Variants in DAPK2 observed in about 807,000 individuals in gnomAD.
DAPK2 encodes death-associated protein kinase 2.
A neutral mutation model predicts 44.1 loss-of-function variants in DAPK2; 35 were observed. The ratio of observed to expected loss-of-function variants is 0.79; its 90% confidence interval spans 0.61 to 1.05. DAPK2 has a LOEUF of 1.05. DAPK2 is among the 50% of genes least tolerant of loss of function. The pLI is 0.00. For synonymous variants in DAPK2, 174 were observed against 182.6 expected (o/e 0.95, Z 0.38); for missense variants, 453 against 483.2 (o/e 0.94, Z 0.59).
rs924058383 is a variant in DAPK2 at position 63,990,033 on chromosome 15, C to T, written c.93-6279G>A. Among the ~76,000 whole-genome samples, 2 of 152,116 alleles carry T rather than the reference C, an allele frequency of 1.3e-5. No homozygotes were observed. Among genetic ancestry groups the T allele is most frequent in the Admixed American group, 6.5e-5 (1 of 15,274 alleles). ...TTCTCAAAAGGCAATATACCCCTTACGGCCTGCATCAAGGTAGACCACTCG... is the reference window on the plus strand; with the variant it reads ...TTCTCAAAAGGCAATATACCCCTTATGGCCTGCATCAAGGTAGACCACTCG... On this transcript the variant is annotated intron_variant, in intron 1 of 10. Coordinates refer to ENST00000261891, the Ensembl canonical transcript of DAPK2. This position sits in a 1 kb window ranked among gnomAD's most constrained non-coding sequence, Gnocchi z 4.3.
At chr15:64,005,286 G>A (rs900589816) in intron 1 of DAPK2, among the ~76,000 whole-genome samples, 1 of 151,898 alleles carries the variant, frequency 6.6e-6, no homozygotes, top group Non-Finnish European at 1.5e-5. Context: ...TTTTCCCAAA[G>A]AGCAGTAATT....
In DAPK2 at chr15:64,019,947, A is replaced by G. The variant is rs571825256; in HGVS notation, c.92+20223T>C. Among the ~76,000 whole-genome samples the G allele has an allele frequency of 1.8e-4, 27 of 152,286 alleles. No individual in the cohort carries two copies. The South Asian group carries it at 2.1e-3, about 12-fold the overall frequency. ...TCTGCTTTCCATTTTCATGCCACAG[A>G]GTCAATATTTACTAGCCATGTTGCT... is the stretch of plus-strand genomic sequence containing the variant. On this transcript the variant is annotated intron_variant, in intron 1 of 10. Transcript: ENST00000261891.
At chr15:64,037,414 C>A (rs1788503182) in intron 1 of DAPK2, among the ~76,000 whole-genome samples, 1 of 152,230 alleles carries the variant, frequency 6.6e-6, no homozygotes, top group Admixed American at 6.5e-5. Context: ...CATCCCCATG[C>A]CCCATCAATC....
intron 1 of DAPK2, among the ~76,000 whole-genome samples, chr15:64,007,373 C>T (rs1413810219): frequency 6.6e-6 from 1 of 152,012 alleles, no homozygotes; most frequent in Non-Finnish European, 1.5e-5. Flanking sequence ...TTTCCAGTTC[C>T]CCCCAGTCTT....
At chr15:64,036,338 C>CATATATATATATATATGT (rs60386813) in intron 1 of DAPK2, among the ~76,000 whole-genome samples, 3 of 42,998 alleles carry the variant, frequency 7.0e-5, no homozygotes, top group Admixed American at 7.1e-4. Context: ...TATATATATA[C>CATATATATATATATATGT]ATATATATAT....
At chr15:63,965,827 G>A (rs1259074935) in intron 3 of DAPK2, among the ~76,000 whole-genome samples, 1 of 152,200 alleles carries the variant, frequency 6.6e-6, no homozygotes, top group East Asian at 1.9e-4. Flanking sequence ...ATACTGCCAG[G>A]CGTGGGACTC....
At chr15:63,934,321 A>G (rs2077073059) in intron 4 of DAPK2, among the ~76,000 whole-genome samples, 1 of 125,410 alleles carries the variant, frequency 8.0e-6, no homozygotes, top group Non-Finnish European at 1.6e-5. Flanking sequence ...CAATGGTGCC[A>G]TCTTGGCTCA....
chr15:64,030,339 G>A (rs1254773364), intron 1 of DAPK2, among the ~76,000 whole-genome samples: 1 of 152,064 alleles, frequency 6.6e-6, no homozygotes, highest in Admixed American at 6.6e-5. Context: ...CAAGATCAAA[G>A]ATGATGTAAA....
At position 64,003,010 on chromosome 15, in the gene DAPK2, G is replaced by GTGTT. The variant is rs1555478492; in HGVS notation, c.93-19257_93-19256insAACA. On this transcript the variant is annotated intron_variant, in intron 1 of 10. Coordinates refer to ENST00000261891, the Ensembl canonical transcript of DAPK2. Reference sequence around the variant, plus strand: ...TGTGTGTGTGTGTGTGTGTGTGTGTGTGTGTCGTGGGACCAGAGGTGGTGG... The same window carrying GTGTT: ...TGTGTGTGTGTGTGTGTGTGTGTGTGTGTTTGTGTCGTGGGACCAGAGGTGGTGG... Among the ~76,000 whole-genome samples the GTGTT allele has an allele frequency of 3.6e-4, 50 of 140,562 alleles. 2 individuals carry two copies. Among genetic ancestry groups the GTGTT allele is most frequent in the South Asian group, 5.8e-4 (2 of 3,430 alleles). The allele number at this position is 140,562 out of a possible 152,430, so 92.2% of individuals were successfully genotyped here. A position where few individuals can be genotyped will look rare whatever the true frequency, so the allele number is the denominator to read the frequency against.
intron 3 of DAPK2, among the ~76,000 whole-genome samples, chr15:63,955,078 T>G (rs1595792005): frequency 6.6e-6 from 1 of 152,222 alleles, no homozygotes; most frequent in African/African-American, 2.4e-5. Flanking sequence ...TTTCCAAATA[T>G]GAGATCATAT....
intron 1 of DAPK2, among the ~76,000 whole-genome samples, chr15:64,038,738 G>GA (rs1344403582): frequency 1.3e-5 from 2 of 151,954 alleles, no homozygotes; most frequent in Non-Finnish European, 2.9e-5. Flanking sequence ...TCTATAAAGG[G>GA]AAAAAACTCC....
intron 1 of DAPK2, among the ~76,000 whole-genome samples, chr15:64,038,637 T>C (rs2080274578): frequency 6.6e-6 from 1 of 152,158 alleles, no homozygotes; most frequent in Admixed American, 6.5e-5. Flanking sequence ...TCATTCTCTT[T>C]GGAGTGAAGC....
chr15:63,975,858 T>C lies in DAPK2; in HGVS notation c.315-4297A>G, dbSNP rs917853069. On this transcript the variant is annotated intron_variant, in intron 2 of 10. Transcript: ENST00000261891. Reference sequence around the variant, plus strand: ...ATCCGTCCACCTCAGCCTCCCAAAGTGTTGGGATTACAGGTGTGAGCCATT... The same window carrying C: ...ATCCGTCCACCTCAGCCTCCCAAAGCGTTGGGATTACAGGTGTGAGCCATT... 6.6e-5 allele frequency among the ~76,000 whole-genome samples: 10 copies of C among 152,342 alleles called. No individual in the cohort carries two copies. The East Asian group carries it at 1.9e-3, about 29-fold the overall frequency.
chr15:64,046,365 GC>G, upstream of DAPK2: 2 of 261,718 alleles, frequency 7.6e-6, no homozygotes, highest in African/African-American at 8.8e-5. The surrounding 1 kb of genome is among the most constrained non-coding windows in gnomAD (Gnocchi z 5.3). Context: ...CGCGGCGGGC[GC>G]GGCGGGCGCG....
At chr15:64,022,024 G>A (rs1052377736) in intron 1 of DAPK2, among the ~76,000 whole-genome samples, 1 of 152,198 alleles carries the variant, frequency 6.6e-6, no homozygotes, top group African/African-American at 2.4e-5. Context: ...TGGATAGGGT[G>A]GAGATGGCCT....
chr15:64,046,263 C>A lies in DAPK2; in HGVS notation c.-7+35G>T. The stretch of plus-strand genomic sequence containing the variant: ...GCTGCCGTCAGGCCGCGCGCCCCGT[C>A]CCGCCCATCGAGCCCGCAGACGGGT... On this transcript the variant is annotated intron_variant, in intron 1 of 11. Transcript: ENST00000457488. The surrounding 1 kb of genome is among the most constrained non-coding windows in gnomAD (Gnocchi z 5.3). 1 of 949,968 alleles carries A rather than the reference C, an allele frequency of 1.1e-6. No individual in the cohort carries two copies. Among genetic ancestry groups the A allele is most frequent in the Non-Finnish European group, 1.3e-6 (1 of 798,862 alleles). The allele number at this position is 949,968 out of a possible 1,614,324, so 58.8% of individuals were successfully genotyped here. A position where few individuals can be genotyped will look rare whatever the true frequency, so the allele number is the denominator to read the frequency against.
intron 3 of DAPK2, among the ~76,000 whole-genome samples, chr15:63,962,832 C>G (rs2077948735): frequency 6.6e-6 from 1 of 152,220 alleles, no homozygotes; most frequent in South Asian, 2.1e-4. Flanking sequence ...TGTCCATTCT[C>G]AGATCTCAAA....
Position 63,917,618 on chromosome 15 carries a change from G to A in DAPK2, c.859-5421C>T, listed in dbSNP as rs2078962251. On this transcript the variant is annotated intron_variant, in intron 8 of 10. Transcript: ENST00000261891. This position sits in a 1 kb window ranked among gnomAD's most constrained non-coding sequence, Gnocchi z 4.4. The stretch of plus-strand genomic sequence containing the variant: ...CCTGCTGAGGGGACCATAACAAAAA[G>A]TTTAAAACACTCTTTTAAATCTGTG... The A allele has an allele frequency of 6.6e-6, 1 of 152,076 alleles. No homozygotes were observed. The allele number at this position is 152,076 out of a possible 1,614,324, so 9.4% of individuals were successfully genotyped here. A position where few individuals can be genotyped will look rare whatever the true frequency, so the allele number is the denominator to read the frequency against.
At chr15:63,981,544 T>C (rs577191837) in intron 2 of DAPK2, among the ~76,000 whole-genome samples, 1 of 152,096 alleles carries the variant, frequency 6.6e-6, no homozygotes, top group African/African-American at 2.4e-5. Flanking sequence ...ATTATACAAG[T>C]ACAATGATTG....
Sources: gnomAD v4.1 joint callset for allele counts (sites outside exome capture counted in the v4.1 genomes callset) on GRCh38, gnomAD v4.1.1 for gene constraint, Gnocchi (gnomAD v3.1) non-coding constraint, MANE v1.5 for transcripts, NCBI Gene and HGNC (gene_info 2026-07-23, HGNC 2026-07-21) for gene names.